The following TMTC4 variants were observed in gnomAD, a reference collection of about 807,000 sequenced individuals.
TMTC4 encodes the protein protein O-mannosyl-transferase TMTC4.
TMTC4 carries 65 observed loss-of-function variants against 86.0 expected under a neutral mutation model. The observed-to-expected ratio is 0.76, with a 90% CI of 0.62 to 0.93. TMTC4 has a LOEUF of 0.93. TMTC4 is among the 40% of genes least tolerant of loss of function. The pLI is 0.00. For missense variants in TMTC4, 866 were observed against 948.1 expected (o/e 0.91, Z 1.14); for synonymous variants, 379 against 382.5 (o/e 0.99, Z 0.11).
chr13:100,671,476 T>C (rs893621468), intron 1 of TMTC4, among the ~76,000 whole-genome samples: 28 of 152,174 alleles, frequency 1.8e-4, no homozygotes, highest in Admixed American at 6.5e-5. Flanking sequence ...AGCATAATCA[T>C]GTTCCAAGCC....
intron 1 of TMTC4, 131 bp downstream of exon 1, chr13:100,674,613 G>C (rs1887605837): frequency 1.0e-6 from 1 of 982,652 alleles, no homozygotes; most frequent in South Asian, 4.7e-5. Context: ...TCCTCCAGCA[G>C]CGCCGCTCTG....
chr13:100,656,645 G>A (rs757591222), intron 5 of TMTC4, among the ~76,000 whole-genome samples, 177 bp from the exon 6 acceptor site: 10 of 146,536 alleles, frequency 6.8e-5, no homozygotes, highest in African/African-American at 2.5e-4. Flanking sequence ...CTGGGCTCAA[G>A]CAATTCTCCC....
rs572815618 is a variant in TMTC4, at chr13:100,674,114, T to C, written c.-208+630A>G. ...GGAGGTGGGCAGTGGCTGCGCCACC[T>C]GCTCGGCTTCCCCAAACTCCGAGCC... On this transcript the variant is annotated intron_variant, in intron 1 of 18. Transcript: ENST00000342624. The C allele has an allele frequency of 6.8e-5, 67 of 984,706 alleles. 2 individuals carry two copies. The East Asian group carries it at 4.6e-3, about 67-fold the overall frequency. The allele number at this position is 984,706 out of a possible 1,614,324, so 61.0% of individuals were successfully genotyped here.
At chr13:100,663,812 CT>C (rs1480567468) in intron 4 of TMTC4, among the ~76,000 whole-genome samples, 5 of 152,136 alleles carry the variant, frequency 3.3e-5, no homozygotes, top group African/African-American at 4.8e-5. Flanking sequence ...AAGTGGCTCC[CT>C]GATTAACGGA....
rs1885998628 is a variant in TMTC4, at chr13:100,663,163, G to A, written c.353C>T (p.Ser118Leu). The A allele has an allele frequency of 6.2e-6, 10 of 1,614,204 alleles. No homozygotes were observed. Among genetic ancestry groups the A allele is most frequent in the African/African-American group, 2.7e-5 (2 of 75,064 alleles). ...VLTFRINYYL[S>L]GGFHPVGFHV... ...AAAGCCCACGGGGTGGAAGCCTCCC[G>A]AGAGGTAGTAGTTAATCCTGCAGAA... Residue 118 changes from serine (S) to leucine (L), a missense_variant, in exon 5 of 19, where the codon TCG (serine) becomes TTG (leucine). Physicochemically the swap from Ser to Leu is moderately radical, Grantham distance 145. Coordinates refer to ENST00000342624, the MANE Select transcript of TMTC4 (RefSeq NM_032813.5).
intron 1 of TMTC4, chr13:100,674,018 A>G: frequency 1.0e-6 from 1 of 985,232 alleles, no homozygotes; most frequent in Non-Finnish European, 1.2e-6. Flanking sequence ...GTGTGGTTTA[A>G]AAAAAAGAAA....
Position 100,604,847 on chromosome 13 carries a change from A to C in TMTC4, c.*147T>G. ...TTCAAGAGTATATTGCTGGTGCTAT[A>C]ATCTTTTTGCATGTCTTTGTTTTCA... On this transcript the variant is annotated 3_prime_UTR_variant, in exon 19 of 19. Transcript: ENST00000342624. 1 of 855,696 alleles carries C rather than the reference A, an allele frequency of 1.2e-6. No individual in the cohort carries two copies. The highest frequency in any genetic ancestry group is 3.0e-5 in the East Asian group (1 of 33,092). The allele number at this position is 855,696 out of a possible 1,614,324, so 53.0% of individuals were successfully genotyped here.
intron 12 of TMTC4, among the ~76,000 whole-genome samples, chr13:100,632,317 C>T (rs1881558853): frequency 6.6e-6 from 1 of 152,182 alleles, no homozygotes; most frequent in Non-Finnish European, 1.5e-5. Flanking sequence ...TGCTATGCTT[C>T]AGTTTCTCCC....
chr13:100,635,446 G>A (rs1170579136), intron 10 of TMTC4, among the ~76,000 whole-genome samples: 2 of 152,140 alleles, frequency 1.3e-5, no homozygotes, highest in East Asian at 1.9e-4. Flanking sequence ...CATACAATTC[G>A]TATGGAGAAA....
chr13:100,661,978 C>A (rs1388219859), intron 5 of TMTC4, among the ~76,000 whole-genome samples: 1 of 152,102 alleles, frequency 6.6e-6, no homozygotes, highest in Non-Finnish European at 1.5e-5. Context: ...CTGCCTTTTG[C>A]ATTTTCAAAG....
chr13:100,633,219 G>C (rs1484432087), intron 12 of TMTC4, among the ~76,000 whole-genome samples: 1 of 148,820 alleles, frequency 6.7e-6, no homozygotes, highest in African/African-American at 2.5e-5. Flanking sequence ...TGAGGCAGGA[G>C]AATCGCTTGA....
chr13:100,633,039 G>A (rs921366534), intron 12 of TMTC4, among the ~76,000 whole-genome samples: 2 of 152,152 alleles, frequency 1.3e-5, no homozygotes, highest in Admixed American at 6.5e-5. Context: ...TTGGCTGGGC[G>A]CGGAGGCTCA....
chr13:100,649,172 G>A (rs778093552), intron 6 of TMTC4, among the ~76,000 whole-genome samples: 7 of 152,268 alleles, frequency 4.6e-5, no homozygotes, highest in South Asian at 2.1e-4. Context: ...CCCATACAGC[G>A]TTGACAAAAT....
chr13:100,637,583 G>C lies in TMTC4; in HGVS notation c.954C>G (p.Thr318=). The change falls in exon 9 of 19, where the codon ACC becomes ACG. Residue 318 remains threonine, a synonymous_variant. Transcript: ENST00000342624. ...CAAAGGAGGCCGGGTTGTCCACCTC[G>C]GTGAAGGCCGGCGGGCCCGTGCCCA... ...RIMGTGPPAF[T]EVDNPASFAD... 1 of 1,614,176 alleles carries C rather than the reference G, an allele frequency of 6.2e-7. No individual in the cohort carries two copies. The highest frequency in any genetic ancestry group is 8.5e-7 in the Non-Finnish European group (1 of 1,180,052).
At chr13:100,665,574 G>C (rs758021033) in intron 3 of TMTC4, among the ~76,000 whole-genome samples, 92 of 152,348 alleles carry the variant, frequency 6.0e-4, no homozygotes, top group Middle Eastern at 3.4e-3. Flanking sequence ...CGCGTGACCA[G>C]TTCCTGATTC....
intron 1 of TMTC4, 45 bp downstream of exon 1, chr13:100,674,699 G>A: frequency 1.0e-6 from 1 of 983,314 alleles, no homozygotes; most frequent in Non-Finnish European, 1.2e-6. Flanking sequence ...AACTCCGCTC[G>A]CCCCGCGGCG....
intron 17 of TMTC4, among the ~76,000 whole-genome samples, chr13:100,612,048 C>A (rs111446952): frequency 2.0e-5 from 3 of 152,194 alleles, no homozygotes; most frequent in Non-Finnish European, 4.4e-5. Flanking sequence ...GGGGCACCTC[C>A]GGGGATGCAC....
At chr13:100,639,898 C>T (rs1882788260) in intron 7 of TMTC4, among the ~76,000 whole-genome samples, 1 of 151,918 alleles carries the variant, frequency 6.6e-6, no homozygotes, top group Non-Finnish European at 1.5e-5. Context: ...TGAGATTGCA[C>T]CACTGCACTC....
At chr13:100,661,871 A>G (rs1885819479) in intron 5 of TMTC4, among the ~76,000 whole-genome samples, 1 of 152,210 alleles carries the variant, frequency 6.6e-6, no homozygotes, top group African/African-American at 2.4e-5. Context: ...CGAGAAGTCT[A>G]CTGTGAGGGA....
Sources: allele counts gnomAD v4.1 joint callset (sites outside exome capture counted in the v4.1 genomes callset), GRCh38; gene constraint gnomAD v4.1.1; transcripts MANE v1.5; gene names NCBI Gene and HGNC (gene_info 2026-07-23, HGNC 2026-07-21).